The following SLC26A7 variants were observed in gnomAD, a reference collection of about 807,000 sequenced individuals.
The protein encoded by SLC26A7 is anion exchange transporter.
A neutral mutation model predicts 82.5 loss-of-function variants in SLC26A7; 59 were observed. That is an observed-to-expected ratio of 0.72 (90% CI 0.58 to 0.89). SLC26A7 has a LOEUF of 0.89. Ranked by LOEUF, SLC26A7 falls within the 40% of genes least tolerant of loss-of-function variation. The pLI is 0.00. For missense variants in SLC26A7, 820 were observed against 793.0 expected (o/e 1.03, Z -0.41); for synonymous variants, 271 against 274.3 (o/e 0.99, Z 0.12).
At chr8:91,366,319 T>C (rs1489314236) in intron 13 of SLC26A7, among the ~76,000 whole-genome samples, 2 of 152,172 alleles carry the variant, frequency 1.3e-5, no homozygotes, top group Non-Finnish European at 2.9e-5. Context: ...TACTGCCTCC[T>C]GAAAAACCAG....
At position 91,395,773 on chromosome 8, in the gene SLC26A7, T is replaced by C. The variant is rs1808551451; in HGVS notation, c.*676T>C. ...AGTTCTTGACATTGGTCTGTTTTGC[T>C]GTGAATATTGGAAATGCTTAGGATC... On this transcript the variant is annotated 3_prime_UTR_variant, in exon 19 of 19. Transcript: ENST00000276609. The C allele has an allele frequency of 6.6e-6, 1 of 152,118 alleles. No homozygotes were observed. The allele number at this position is 152,118 out of a possible 1,614,324, so 9.4% of individuals were successfully genotyped here.
At chr8:91,290,406 A>C (rs1395388714) in intron 3 of SLC26A7, among the ~76,000 whole-genome samples, 1 of 152,170 alleles carries the variant, frequency 6.6e-6, no homozygotes, top group Non-Finnish European at 1.5e-5. Context: ...AGGTGTCAGC[A>C]GGGCTGTGTT....
At chr8:91,222,729 T>C (rs1277444765) in intron 2 of SLC26A7, among the ~76,000 whole-genome samples, 1 of 152,208 alleles carries the variant, frequency 6.6e-6, no homozygotes, top group Admixed American at 6.5e-5. Flanking sequence ...TGGATAAATT[T>C]TTTGATGTCC....
intron 15 of SLC26A7, among the ~76,000 whole-genome samples, chr8:91,373,425 G>A (rs1375852238): frequency 2.0e-5 from 3 of 151,678 alleles, no homozygotes; most frequent in Admixed American, 1.3e-4. Context: ...GAGGGTTTGT[G>A]TCGTGAAGGG....
Position 91,289,247 on chromosome 8 carries a change from GTAA to G in SLC26A7, c.304+6_304+8del. 6.2e-7 allele frequency: 1 copy of G among 1,600,202 alleles called. No individual in the cohort carries two copies. The highest frequency in any genetic ancestry group is 8.6e-7 in the Non-Finnish European group (1 of 1,167,600). ...GGAATGGGACATCATGTTGCCACAG[GTAA>G]TAATTCCTATGTTTATGCTTCTAAT... On this transcript the variant is annotated splice_donor_variant and splice_donor_region_variant and intron_variant, in intron 3 of 18. Coordinates refer to ENST00000276609, the MANE Select transcript of SLC26A7 (RefSeq NM_052832.4). LOFTEE classifies it high-confidence loss of function.
chr8:91,226,078 T>C (rs1047308666), intron 2 of SLC26A7, among the ~76,000 whole-genome samples: 2 of 152,206 alleles, frequency 1.3e-5, no homozygotes, highest in African/African-American at 4.8e-5. Flanking sequence ...TCAGTCTCAT[T>C]TTCTTCTCTT....
At chr8:91,247,523 AC>A (rs33933761), upstream of SLC26A7, among the ~76,000 whole-genome samples, 10,771 of 152,188 alleles carry the variant, frequency 0.071, 598 homozygotes, top group African/African-American at 0.15. Flanking sequence ...TTGAAAAAAA[AC>A]ATCTGGAATT....
intron 15 of SLC26A7, among the ~76,000 whole-genome samples, chr8:91,378,618 T>G: frequency 6.6e-6 from 1 of 151,840 alleles, no homozygotes; most frequent in East Asian, 1.9e-4. Context: ...GCTGAAGATC[T>G]GGTTGGACAT....
At chr8:91,342,095 T>C (rs565909599) in intron 8 of SLC26A7, among the ~76,000 whole-genome samples, 2 of 130,162 alleles carry the variant, frequency 1.5e-5, no homozygotes, top group South Asian at 2.4e-4. Context: ...GCCTGGCTAC[T>C]TTTTTTTTTC....
intron 2 of SLC26A7, among the ~76,000 whole-genome samples, chr8:91,236,880 C>T (rs1810400306): frequency 6.6e-6 from 1 of 152,148 alleles, no homozygotes; most frequent in Admixed American, 6.5e-5. Context: ...ACTCCCAGGG[C>T]CATTTATCAC....
chr8:91,292,580 T>A (rs1450892201), intron 3 of SLC26A7, among the ~76,000 whole-genome samples: 1 of 152,172 alleles, frequency 6.6e-6, no homozygotes, highest in African/African-American at 2.4e-5. Context: ...TCAATTTAGA[T>A]GGCTGGAATG....
intron 2 of SLC26A7, among the ~76,000 whole-genome samples, chr8:91,258,251 C>T (rs1225642905): frequency 3.3e-5 from 5 of 152,022 alleles, no homozygotes; most frequent in African/African-American, 1.2e-4. Flanking sequence ...TCCATCTTAA[C>T]TCTTCCTTCC....
At chr8:91,212,657 C>T (rs944495250) in intron 1 of SLC26A7, among the ~76,000 whole-genome samples, 2 of 152,082 alleles carry the variant, frequency 1.3e-5, no homozygotes, top group Admixed American at 6.5e-5. Context: ...ATACCACTGA[C>T]ATTCATTTAT....
chr8:91,278,199 C>A (rs1811457300), intron 2 of SLC26A7, among the ~76,000 whole-genome samples: 1 of 151,516 alleles, frequency 6.6e-6, no homozygotes, highest in African/African-American at 2.4e-5. Context: ...AATCCCAGAG[C>A]AGGTGTCAAC....
At chr8:91,371,290 T>A (rs1814352478) in intron 15 of SLC26A7, among the ~76,000 whole-genome samples, 1 of 151,810 alleles carries the variant, frequency 6.6e-6, no homozygotes, top group Non-Finnish European at 1.5e-5. Flanking sequence ...CTTTAAATAA[T>A]TTTTATTTTA....
intron 2 of SLC26A7, among the ~76,000 whole-genome samples, chr8:91,232,140 A>G (rs1268321744): frequency 6.6e-6 from 1 of 152,250 alleles, no homozygotes; most frequent in Non-Finnish European, 1.5e-5. Context: ...TTTAAAGTAC[A>G]TATGCAATAA....
chr8:91,371,063 A>G (rs1201644778), intron 15 of SLC26A7, among the ~76,000 whole-genome samples: 5 of 151,918 alleles, frequency 3.3e-5, no homozygotes, highest in Non-Finnish European at 5.9e-5. Context: ...TACTTTAAAC[A>G]TATGCTTCAA....
At chr8:91,283,245 A>G (rs1811622107) in intron 2 of SLC26A7, among the ~76,000 whole-genome samples, 1 of 152,164 alleles carries the variant, frequency 6.6e-6, no homozygotes, top group African/African-American at 2.4e-5. Context: ...AAAAATACAG[A>G]AAGAGAAGGG....
Position 91,295,614 on chromosome 8 carries a change from A to G in SLC26A7, c.388A>G (p.Ser130Gly). The G allele has an allele frequency of 1.2e-6, 2 of 1,614,104 alleles. No individual in the cohort carries two copies. The change falls in exon 4 of 19, where the codon AGT becomes GGT. Residue 130 changes from serine to glycine, a missense_variant. Transcript: ENST00000276609. ...GAACATGCAGAATCTCACCACACAG[A>G]GTAACACAAGCGTGCTGGGCTTATC... ...PQNMQNLTTQSNTSVLGLSDF... is the reference protein window; with the variant it reads ...PQNMQNLTTQGNTSVLGLSDF...
Sources: gnomAD v4.1 joint callset for allele counts (sites outside exome capture counted in the v4.1 genomes callset) on GRCh38, gnomAD v4.1.1 for gene constraint, MANE v1.5 for transcripts, NCBI Gene and HGNC (gene_info 2026-07-23, HGNC 2026-07-21) for gene names.